The following VSIG1 variants were observed in gnomAD, a reference collection of about 807,000 sequenced individuals.
The protein encoded by VSIG1 is V-set and immunoglobulin domain-containing protein 1.
A neutral mutation model predicts 20.1 loss-of-function variants in VSIG1; 11 were observed. The observed-to-expected ratio is 0.55, with a 90% CI of 0.34 to 0.91. The LOEUF is 0.91. Ranked by LOEUF, VSIG1 falls within the 40% of genes least tolerant of loss-of-function variation. The pLI is 0.02. For synonymous variants in VSIG1, 126 were observed against 116.7 expected (o/e 1.08, Z -0.52); for missense variants, 283 against 298.8 (o/e 0.95, Z 0.39).
At chrX:108,073,511 T>C (rs767263737) in intron 5 of VSIG1, 142 bp downstream of exon 5, 11 of 670,071 alleles carry the variant, frequency 1.6e-5, no homozygotes, top group Non-Finnish European at 2.5e-5. Context: ...GCTGATATGA[T>C]GAATGACCAT....
At chrX:108,052,471 C>G (rs754731338) in intron 1 of VSIG1, among the ~76,000 whole-genome samples, 2 of 109,849 alleles carry the variant, frequency 1.8e-5, no homozygotes, top group South Asian at 4.0e-4. Context: ...ACAAAATTAG[C>G]TGGGCATGGT....
intron 1 of VSIG1, 28 bp downstream of exon 1, chrX:108,045,207 A>C (rs1363941036): frequency 3.5e-6 from 4 of 1,133,752 alleles, no homozygotes; most frequent in Non-Finnish European, 4.7e-6. Flanking sequence ...AAACCACCAA[A>C]TATAATTGGA....
At chrX:108,029,209 AT>A in the VSIG1 span, among the ~76,000 whole-genome samples, 3 of 111,881 alleles carry the variant, frequency 2.7e-5, no homozygotes, top group Non-Finnish European at 1.9e-5. Context: ...ATATTTTTTC[AT>A]TTTTATTTGC....
At chrX:108,063,650 G>A (rs2031073207) in intron 2 of VSIG1, among the ~76,000 whole-genome samples, 1 of 110,865 alleles carries the variant, frequency 9.0e-6, no homozygotes, top group Non-Finnish European at 1.9e-5. Flanking sequence ...GCTCCTGAAG[G>A]CCCCTTAACC....
chrX:108,032,661 G>C, the VSIG1 span, among the ~76,000 whole-genome samples: 1 of 111,716 alleles, frequency 9.0e-6, no homozygotes, highest in South Asian at 3.8e-4. Flanking sequence ...GACAACTGGA[G>C]AAGAGCATAC....
chrX:108,040,696 C>T (rs2030465457), upstream of VSIG1, among the ~76,000 whole-genome samples: 1 of 111,940 alleles, frequency 8.9e-6, no homozygotes, highest in Non-Finnish European at 1.9e-5. Context: ...AATTGAGGTA[C>T]ATTCATATCA....
intron 1 of VSIG1, among the ~76,000 whole-genome samples, chrX:108,046,031 C>A (rs902355802): frequency 1.8e-5 from 2 of 110,874 alleles, no homozygotes; most frequent in African/African-American, 6.6e-5. Flanking sequence ...ACACATATGC[C>A]TAGAATAAAT....
chrX:108,071,892 C>CAAAAAAAAAAAAAAAAAAGAA (rs2031254306), intron 3 of VSIG1, among the ~76,000 whole-genome samples: 1 of 36,400 alleles, frequency 2.7e-5, no homozygotes, highest in African/African-American at 8.4e-5. Context: ...TGAACAAATG[C>CAAAAAAAAAAAAAAAAAAGAA]AAAAAAAAAA....
chrX:108,047,393 T>G (rs988952903), intron 1 of VSIG1, among the ~76,000 whole-genome samples: 1 of 111,633 alleles, frequency 9.0e-6, no homozygotes, highest in Non-Finnish European at 1.9e-5. Flanking sequence ...CTGCAAAAAA[T>G]TTATGCATAT....
At chrX:108,060,718 C>T (rs184581289) in intron 2 of VSIG1, among the ~76,000 whole-genome samples, 12 of 111,861 alleles carry the variant, frequency 1.1e-4, no homozygotes, top group African/African-American at 3.6e-4. Context: ...TCAGTTGTTC[C>T]GTTTCCAATC....
chrX:108,061,294 T>C, intron 2 of VSIG1: 1 of 440,784 alleles, frequency 2.3e-6, no homozygotes, highest in Non-Finnish European at 4.0e-6. Flanking sequence ...TAGACAATTA[T>C]GTGATTTATG....
the VSIG1 span, among the ~76,000 whole-genome samples, chrX:108,030,483 C>T: frequency 2.7e-5 from 3 of 111,482 alleles, no homozygotes; most frequent in African/African-American, 3.3e-5. Context: ...TCAGTAGGCT[C>T]AAGGGCCTAT....
chrX:108,046,281 A>G (rs984274922), intron 1 of VSIG1, among the ~76,000 whole-genome samples: 1 of 112,354 alleles, frequency 8.9e-6, no homozygotes, highest in African/African-American at 3.2e-5. Context: ...GTTAAACATC[A>G]CCAGAAGGCA....
chrX:108,078,865 A>G lies in VSIG1; in HGVS notation c.*1484A>G, dbSNP rs1320527829. 2 of 112,085 alleles carry G rather than the reference A, an allele frequency of 1.8e-5. No individual in the cohort carries two copies. Among genetic ancestry groups the G allele is most frequent in the African/African-American group, 6.5e-5 (2 of 30,828 alleles). 9.2% of individuals were successfully genotyped at this position (112,085 alleles called of 1,213,427 possible). ...TTCAACTAATTAAATAACCTGTTTT[A>G]CTGCCTGTACATTCCACATTAATAA... On this transcript the variant is annotated 3_prime_UTR_variant, in exon 7 of 7. Coordinates refer to ENST00000217957, the MANE Select transcript of VSIG1 (RefSeq NM_182607.5).
Position 108,047,967 on chromosome X carries a change from T to TATATATATACAC in VSIG1, c.49+2797_49+2798insCACATATATATA, listed in dbSNP as rs2030685072. Reference sequence around the variant, plus strand: ...ATATATATATATACACACACATATATATATATATATATATATATATATATA... The same window carrying TATATATATACAC: ...ATATATATATATACACACACATATATATATATATACACATATATATATATATATATATATATA... On this transcript the variant is annotated intron_variant, in intron 1 of 6. Coordinates refer to ENST00000217957, the MANE Select transcript of VSIG1 (RefSeq NM_182607.5). 1.0e-3 allele frequency among the ~76,000 whole-genome samples: 27 copies of TATATATATACAC among 27,102 alleles called. 5 individuals carry two copies. The highest frequency in any genetic ancestry group is 1.0e-3 in the Non-Finnish European group (15 of 14,509). The allele number at this position is 27,102 out of a possible 115,157, so 23.5% of individuals were successfully genotyped here. A position where few individuals can be genotyped will look rare whatever the true frequency, so the allele number is the denominator to read the frequency against.
At chrX:108,062,261 C>T (rs1213664588) in intron 2 of VSIG1, among the ~76,000 whole-genome samples, 1 of 111,516 alleles carries the variant, frequency 9.0e-6, no homozygotes, top group Non-Finnish European at 1.9e-5. Context: ...AAAAAATACC[C>T]TTTGCCAGTC....
chrX:108,019,989 G>T, the VSIG1 span, among the ~76,000 whole-genome samples: 1 of 111,357 alleles, frequency 9.0e-6, no homozygotes, highest in Non-Finnish European at 1.9e-5. Context: ...AGGCCAACTT[G>T]CTTCCTTCTC....
the VSIG1 span, among the ~76,000 whole-genome samples, chrX:108,026,021 C>A: frequency 8.9e-6 from 1 of 112,556 alleles, no homozygotes; most frequent in Non-Finnish European, 1.9e-5. Context: ...ATGGAACATG[C>A]ACTAGAGACT....
At chrX:108,029,775 G>A in the VSIG1 span, among the ~76,000 whole-genome samples, 73 of 111,716 alleles carry the variant, frequency 6.5e-4, no homozygotes, top group Non-Finnish European at 1.2e-3. Flanking sequence ...AAGGGTGAAG[G>A]TATGGGTCAA....
Sources: gnomAD v4.1 joint callset for allele counts (sites outside exome capture counted in the v4.1 genomes callset) on GRCh38, gnomAD v4.1.1 for gene constraint, MANE v1.5 for transcripts, NCBI Gene and HGNC (gene_info 2026-07-23, HGNC 2026-07-21) for gene names.